ANKS1B: variants seen among roughly 807,000 people sequenced by gnomAD.
The protein encoded by ANKS1B is ankyrin repeat and sterile alpha motif domain containing 1B, also known as ankyrin repeat and sterile alpha motif domain-containing protein 1B.
ANKS1B carries 36 observed loss-of-function variants against 148.3 expected under a neutral mutation model. The ratio of observed to expected loss-of-function variants is 0.24; its 90% CI spans 0.19 to 0.32. The LOEUF (loss-of-function observed/expected upper bound fraction) is 0.32. ANKS1B is among the 10% of genes least tolerant of loss of function. The pLI, the probability that ANKS1B is intolerant of heterozygous loss-of-function variation, is 1.00. For synonymous variants in ANKS1B, 542 were observed against 560.8 expected (o/e 0.97, Z 0.47); for missense variants, 1,157 against 1,542.6 (o/e 0.75, Z 4.19).
intron 9 of ANKS1B, among the ~76,000 whole-genome samples, chr12:99,646,171 C>T (rs2098361330): frequency 6.6e-6 from 1 of 151,858 alleles, no homozygotes; most frequent in Non-Finnish European, 1.5e-5. Context: ...CTTGGTTTTG[C>T]CAATTACAAG....
At chr12:99,111,595 C>A (rs2060302861) in intron 15 of ANKS1B, among the ~76,000 whole-genome samples, 1 of 150,890 alleles carries the variant, frequency 6.6e-6, no homozygotes, top group Non-Finnish European at 1.5e-5. Context: ...AAGTGCTGAA[C>A]CCCAGTGTGT....
chr12:99,215,673 G>A (rs1408906965), intron 14 of ANKS1B, among the ~76,000 whole-genome samples: 2 of 152,196 alleles, frequency 1.3e-5, no homozygotes, highest in African/African-American at 2.4e-5. Flanking sequence ...CTTGCATGGG[G>A]CCTGTAGCCC....
intron 2 of ANKS1B, among the ~76,000 whole-genome samples, chr12:99,818,334 G>A (rs1010140082): frequency 9.2e-5 from 14 of 151,782 alleles, no homozygotes; most frequent in African/African-American, 2.9e-4. Flanking sequence ...GAGCATTTGG[G>A]TTGGTTCCAC....
intron 26 of ANKS1B, among the ~76,000 whole-genome samples, chr12:98,746,283 G>A (rs1189156707): frequency 6.6e-6 from 1 of 152,060 alleles, no homozygotes; most frequent in Non-Finnish European, 1.5e-5. Context: ...ACTCCTCACC[G>A]TGACCTCCAG....
chr12:98,897,175 G>A (rs1220436767), intron 17 of ANKS1B, among the ~76,000 whole-genome samples: 3 of 152,138 alleles, frequency 2.0e-5, no homozygotes, highest in African/African-American at 7.2e-5. Flanking sequence ...GCTGTCCATG[G>A]TGGTCGTTAC....
At chr12:99,955,159 T>C (rs2095297264) in intron 1 of ANKS1B, among the ~76,000 whole-genome samples, 1 of 152,170 alleles carries the variant, frequency 6.6e-6, no homozygotes, top group Non-Finnish European at 1.5e-5. Context: ...CCTTGTTTTC[T>C]GGACTTGAGT....
In ANKS1B at chr12:99,352,438, TCAGA is replaced by T. The variant is rs560754601; in HGVS notation, c.1756+47189_1756+47192del. On this transcript the variant is annotated intron_variant, in intron 12 of 26. Coordinates refer to ENST00000683438, the MANE Select transcript of ANKS1B (RefSeq NM_001352186.2). ...GGAGTCTGCTATGAGAACAGCTTGC[TCAGA>T]CAGAGAAACACCAAACGACTTCAAA... Among the ~76,000 whole-genome samples the T allele has an allele frequency of 4.6e-3, 705 of 152,004 alleles. 4 individuals are homozygous for T. Among genetic ancestry groups the T allele is most frequent in the Middle Eastern group, 0.017 (5 of 294 alleles).
intron 24 of ANKS1B, among the ~76,000 whole-genome samples, chr12:98,774,970 G>C (rs1265686328): frequency 6.6e-6 from 1 of 152,156 alleles, no homozygotes; most frequent in African/African-American, 2.4e-5. Context: ...CTGGCATCCA[G>C]ATAGCATTCC....
At chr12:99,293,675 G>T (rs1341726568) in intron 12 of ANKS1B, among the ~76,000 whole-genome samples, 1 of 152,086 alleles carries the variant, frequency 6.6e-6, no homozygotes, top group Non-Finnish European at 1.5e-5. Context: ...GGACAAATGG[G>T]ATCACATCAA....
chr12:99,471,499 T>G (rs1469593427), intron 10 of ANKS1B, among the ~76,000 whole-genome samples: 2 of 152,056 alleles, frequency 1.3e-5, no homozygotes, highest in East Asian at 3.9e-4. Context: ...TTGTAATTAC[T>G]TATGCTCAAC....
chr12:99,417,403 A>G (rs1031533353), intron 11 of ANKS1B, among the ~76,000 whole-genome samples: 2 of 152,160 alleles, frequency 1.3e-5, no homozygotes, highest in African/African-American at 4.8e-5. Flanking sequence ...CTATTGATCT[A>G]AGTGTCTATC....
At chr12:99,091,944 A>T (rs2153648608) in intron 15 of ANKS1B, among the ~76,000 whole-genome samples, 1 of 152,342 alleles carries the variant, frequency 6.6e-6, no homozygotes, top group African/African-American at 2.4e-5. Flanking sequence ...TTATATTTTT[A>T]CTTCAGAGTC....
intron 25 of ANKS1B, among the ~76,000 whole-genome samples, chr12:98,757,144 C>T (rs981368642): frequency 6.6e-6 from 1 of 152,142 alleles, no homozygotes; most frequent in Non-Finnish European, 1.5e-5. Flanking sequence ...ACAGGAACAA[C>T]GGTTTCAGCC....
intron 9 of ANKS1B, among the ~76,000 whole-genome samples, chr12:98,738,035 C>T (rs2097781934): frequency 1.3e-5 from 2 of 152,166 alleles, no homozygotes; most frequent in Non-Finnish European, 2.9e-5. Flanking sequence ...ATTAGAAAAT[C>T]TGCTGCTCTT....
chr12:99,643,644 A>G (rs1006269470), intron 9 of ANKS1B, among the ~76,000 whole-genome samples: 1 of 152,192 alleles, frequency 6.6e-6, no homozygotes, highest in African/African-American at 2.4e-5. Flanking sequence ...CAGGAATCCA[A>G]CAGCCTTCTT....
intron 11 of ANKS1B, among the ~76,000 whole-genome samples, chr12:99,414,683 G>C (rs919448963): frequency 3.3e-5 from 5 of 152,162 alleles, no homozygotes; most frequent in African/African-American, 7.2e-5. Flanking sequence ...GCCTGTCCAG[G>C]GGGTGAGGGG....
chr12:99,121,318 G>GGGGTGTGTGTGTGT (rs796549235), intron 15 of ANKS1B, among the ~76,000 whole-genome samples: 5,627 of 105,854 alleles, frequency 0.053, 251 homozygotes, highest in East Asian at 0.094. Flanking sequence ...TGTGTATGTA[G>GGGGTGTGTGTGTGT]GTATGTGTGT....
intron 12 of ANKS1B, among the ~76,000 whole-genome samples, chr12:99,315,906 T>C (rs1159268970): frequency 6.6e-6 from 1 of 152,002 alleles, no homozygotes; most frequent in East Asian, 1.9e-4. Flanking sequence ...CACCTATGAA[T>C]GAGAACATGT....
intron 15 of ANKS1B, among the ~76,000 whole-genome samples, chr12:99,131,189 G>A (rs758758263): frequency 6.6e-6 from 1 of 152,086 alleles, no homozygotes; most frequent in Admixed American, 6.5e-5. Context: ...CAGGGGCCAG[G>A]ACAGTCCCTG....
Sources: gnomAD v4.1 joint callset for allele counts (sites outside exome capture counted in the v4.1 genomes callset) on GRCh38, gnomAD v4.1.1 for gene constraint, MANE v1.5 for transcripts, NCBI Gene and HGNC (gene_info 2026-07-23, HGNC 2026-07-21) for gene names.